Variants in SPTA1 observed in about 807,000 individuals in gnomAD.
SPTA1 encodes the protein spectrin alpha chain, erythrocytic 1.
A neutral mutation model predicts 324.7 loss-of-function variants in SPTA1; 177 were observed. The ratio of observed to expected loss-of-function variants is 0.55; its 90% CI spans 0.48 to 0.62. The LOEUF is 0.62. Among genes scored for constraint, SPTA1 ranks in the 20% least tolerant of loss-of-function variants. SPTA1 has a pLI of 0.00. For synonymous variants in SPTA1, 1,195 were observed against 1,041.3 expected (o/e 1.15, Z -2.84); for missense variants, 3,162 against 2,883.6 (o/e 1.10, Z -2.21).
At chr1:158,622,326 T>C (rs1649966744) in intron 43 of SPTA1, among the ~76,000 whole-genome samples, 2 of 152,028 alleles carry the variant, frequency 1.3e-5, no homozygotes, top group African/African-American at 4.8e-5. Flanking sequence ...ATATTTATTA[T>C]GTATTATTAA....
intron 45 of SPTA1, 137 bp downstream of exon 45, chr1:158,619,085 G>T: frequency 1.2e-6 from 1 of 853,686 alleles, no homozygotes; most frequent in Non-Finnish European, 2.0e-6. Flanking sequence ...CAAATATAAA[G>T]CATAGGCAAG....
Position 158,636,001 on chromosome 1 carries a change from T to C in SPTA1, c.5344A>G (p.Lys1782Glu), listed in dbSNP as rs957736985. The C allele has an allele frequency of 1.6e-5, 26 of 1,614,054 alleles. No homozygotes were observed. Among genetic ancestry groups the C allele is most frequent in the Admixed American group, 3.3e-5 (2 of 59,994 alleles). Residue 1782 changes from lysine to glutamate, a missense_variant, in exon 38 of 52, where the codon AAG becomes GAG. Transcript: ENST00000643759. ...VLDMAEKLKD[K>E]AAVGQEEIQL... ...ATCTCCTCTTGCCCCACAGCAGCCTTGTCTTTCAGCTTCTCTGCCATATCC... is the reference window on the plus strand; with the variant it reads ...ATCTCCTCTTGCCCCACAGCAGCCTCGTCTTTCAGCTTCTCTGCCATATCC...
At position 158,627,506 on chromosome 1, in the gene SPTA1, G is replaced by A. The variant is rs41523545; in HGVS notation, c.5664+119C>T. ...AACAAAAGGCAGTTTAGAAGAGATTGTTAAAGTTCTGCATATGATCTTAGC... is the reference window on the plus strand; with the variant it reads ...AACAAAAGGCAGTTTAGAAGAGATTATTAAAGTTCTGCATATGATCTTAGC... On this transcript the variant is annotated intron_variant, in intron 40 of 51. Coordinates refer to ENST00000643759, the MANE Select transcript of SPTA1 (RefSeq NM_003126.4). 5 of 975,300 alleles carry A rather than the reference G, an allele frequency of 5.1e-6. No individual in the cohort carries two copies. The Admixed American group carries it at 5.3e-5, about 10-fold the overall frequency. The allele number at this position is 975,300 out of a possible 1,614,324, so 60.4% of individuals were successfully genotyped here.
At chr1:158,684,731 T>G (rs901558979) in intron 2 of SPTA1, among the ~76,000 whole-genome samples, 5 of 152,150 alleles carry the variant, frequency 3.3e-5, no homozygotes, top group African/African-American at 1.2e-4. Context: ...TGATGAATGC[T>G]TCACCATGAA....
At chr1:158,640,925 T>C (rs1651510473) in intron 33 of SPTA1, among the ~76,000 whole-genome samples, 1 of 152,150 alleles carries the variant, frequency 6.6e-6, no homozygotes, top group African/African-American at 2.4e-5. Context: ...AAGGCTACAG[T>C]AACCAAAACA....
intron 32 of SPTA1, 40 bp from the exon 33 acceptor site, chr1:158,642,582 T>G: frequency 6.2e-7 from 1 of 1,610,876 alleles, no homozygotes; most frequent in Non-Finnish European, 8.5e-7. Context: ...TATCTTTTTA[T>G]TTATGGTGAC....
intron 39 of SPTA1, among the ~76,000 whole-genome samples, chr1:158,628,449 A>G (rs1034205372): frequency 1.3e-5 from 2 of 152,190 alleles, no homozygotes; most frequent in South Asian, 4.1e-4. Context: ...TTCTATGACT[A>G]TTATACTTTT....
At chr1:158,654,812 A>G (rs556873247) in intron 20 of SPTA1, 64 bp from the exon 21 acceptor site, 2 of 1,576,568 alleles carry the variant, frequency 1.3e-6, no homozygotes, top group Non-Finnish European at 1.7e-6. Flanking sequence ...ACAGCTTACC[A>G]GGGGTGAGTA....
At position 158,656,283 on chromosome 1, in the gene SPTA1, G is replaced by A. The variant is rs544990651; in HGVS notation, c.2898+281C>T. Among the ~76,000 whole-genome samples the A allele has an allele frequency of 4.6e-5, 7 of 152,208 alleles. No homozygotes were observed. The South Asian group carries it at 1.5e-3, about 32-fold the overall frequency. ...GAAGGAGAGACATAAATGAAGAAAA[G>A]TAAGAAAGAAAGAAGGGTAGAAATA... On this transcript the variant is annotated intron_variant, in intron 20 of 51. Transcript: ENST00000643759.
chr1:158,662,750 C>T lies in SPTA1; in HGVS notation c.2416G>A (p.Glu806Lys). The part of the protein sequence containing the change: ...QLICRDTEDE[E>K]AWIQETEPSA... ...GGTTCAGTCTCTTGGATCCAGGCCT[C>T]CTCATCCTCTGTGTCTCTACAAATC... The change falls in exon 17 of 52, where the codon GAG becomes AAG. Residue 806 changes from glutamate to lysine, a missense_variant. Transcript: ENST00000643759. 2.5e-6 allele frequency: 4 copies of T among 1,614,020 alleles called. No homozygotes were observed. The highest frequency in any genetic ancestry group is 3.4e-6 in the Non-Finnish European group (4 of 1,179,978).
intron 6 of SPTA1, among the ~76,000 whole-genome samples, 183 bp from the exon 7 acceptor site, chr1:158,678,017 A>G (rs1262181742): frequency 6.6e-6 from 1 of 152,166 alleles, no homozygotes. Context: ...TTGAGATGTT[A>G]AGGTCCTGGG....
chr1:158,661,777 G>A (rs1571481409), intron 17 of SPTA1, among the ~76,000 whole-genome samples: 1 of 152,094 alleles, frequency 6.6e-6, no homozygotes, highest in East Asian at 1.9e-4. Flanking sequence ...TAATTTCTAT[G>A]GACTTCAGAA....
rs1374378636 is a variant in SPTA1 at position 158,676,167 on chromosome 1, T to C, written c.1086A>G (p.Arg362=). The change falls in exon 8 of 52, where the codon AGA becomes AGG. Residue 362 remains arginine, a synonymous_variant. Transcript: ENST00000643759. ...WEHIRALATS[R]YEKLQATYWY... is the part of the protein sequence containing the mutation. ...AATAAGTAGCCTGCAGTTTTTCATA[T>C]CTGCTGGTGGCCAGGGCACGAATAT... is the stretch of plus-strand genomic sequence containing the variant. The C allele has an allele frequency of 1.2e-6, 2 of 1,613,598 alleles. No individual in the cohort carries two copies. The highest frequency in any genetic ancestry group is 2.7e-5 in the African/African-American group (2 of 74,882).
rs857691 is a variant in SPTA1 at position 158,656,588 on chromosome 1, C to T, written c.2874G>A (p.Leu958=). The T allele has an allele frequency of 0.28, 451,608 of 1,612,524 alleles. 73,055 individuals carry two copies. Among genetic ancestry groups the T allele is most frequent in the African/African-American group, 0.71 (53,403 of 74,896 alleles). The part of the protein sequence containing the change: ...LNSFGDSMKA[L]RNQANACQQQ... Reference sequence around the variant, plus strand: ...CCTGGCAGGCGTTTGCCTGATTCCGCAGAGCTTTCATACTGTCTCCAAATG... The same window carrying T: ...CCTGGCAGGCGTTTGCCTGATTCCGTAGAGCTTTCATACTGTCTCCAAATG... Residue 958 remains leucine, a synonymous_variant, in exon 20 of 52, where the codon CTG becomes CTA. Transcript: ENST00000643759.
At chr1:158,614,443 A>G in intron 48 of SPTA1, 137 bp from the exon 49 acceptor site, 1 of 671,176 alleles carries the variant, frequency 1.5e-6, no homozygotes, top group Non-Finnish European at 2.6e-6. Context: ...TTGGCAAACT[A>G]TAGTCCATGG....
intron 49 of SPTA1, 50 bp from the exon 50 acceptor site, chr1:158,613,917 C>G: frequency 5.1e-6 from 8 of 1,579,236 alleles, no homozygotes; most frequent in Non-Finnish European, 6.0e-6. Flanking sequence ...ATAGAAAAAC[C>G]AAGTGAGAAC....
rs1176775909 is a variant in SPTA1 at position 158,620,553 on chromosome 1, C to A, written c.6121-87G>T. 7 of 1,516,962 alleles carry A rather than the reference C, an allele frequency of 4.6e-6. No individual in the cohort carries two copies. In the Admixed American group the frequency reaches 5.6e-5, roughly 12 times the overall value. 94.0% of individuals were successfully genotyped at this position (1,516,962 alleles called of 1,614,324 possible). On this transcript the variant is annotated intron_variant, in intron 43 of 51. Coordinates refer to ENST00000643759, the MANE Select transcript of SPTA1 (RefSeq NM_003126.4). ...GATTGAGGATAAAAATAATGCCTGT[C>A]TTTAAATATCTGCAGGGCCACCAAT... is the stretch of plus-strand genomic sequence containing the variant.
intron 48 of SPTA1, 99 bp downstream of exon 48, chr1:158,615,117 A>C: frequency 7.3e-7 from 1 of 1,372,332 alleles, no homozygotes; most frequent in South Asian, 1.2e-5. Context: ...CTCTGAAGCA[A>C]CTCTTTTATC....
chr1:158,665,961 G>A (rs1270622658), intron 16 of SPTA1, among the ~76,000 whole-genome samples: 4 of 152,058 alleles, frequency 2.6e-5, no homozygotes, highest in South Asian at 2.1e-4. Flanking sequence ...AAGAGTTTAT[G>A]TTTAGAAAAG....
Sources: allele counts gnomAD v4.1 joint callset (sites outside exome capture counted in the v4.1 genomes callset), GRCh38; gene constraint gnomAD v4.1.1; transcripts MANE v1.5; gene names NCBI Gene and HGNC (gene_info 2026-07-23, HGNC 2026-07-21).